Variants in RAPGEF5 observed in about 807,000 individuals in gnomAD.
RAPGEF5 encodes M-Ras-regulated GEF.
RAPGEF5 carries 65 observed loss-of-function variants against 125.2 expected under a neutral mutation model. The ratio of observed to expected loss-of-function variants is 0.52; its 90% confidence interval spans 0.43 to 0.64. The LOEUF is 0.64. Ranked by LOEUF, RAPGEF5 falls within the 30% of genes least tolerant of loss-of-function variation. RAPGEF5 has a pLI of 0.00. For missense variants in RAPGEF5, 958 were observed against 1,048.1 expected, an observed-to-expected ratio of 0.91 and a Z score of 1.19; for synonymous variants, 391 against 385.9, an observed-to-expected ratio of 1.01 and a Z score of -0.16.
intron 12 of RAPGEF5, among the ~76,000 whole-genome samples, chr7:22,166,474 T>C (rs947028724): frequency 5.3e-5 from 8 of 152,240 alleles, no homozygotes; most frequent in Admixed American, 3.3e-4. Context: ...GCATCTCTTC[T>C]AGTTAGTGAA....
chr7:22,245,609 A>G (rs868686924), intron 7 of RAPGEF5, among the ~76,000 whole-genome samples: 7 of 152,100 alleles, frequency 4.6e-5, no homozygotes, highest in Non-Finnish European at 7.4e-5. Flanking sequence ...GCACTAAGCC[A>G]TATTTCCTCT....
rs139390715 is a variant in RAPGEF5 at position 22,168,185 on chromosome 7, T to A, written c.1205-1037A>T. Among the ~76,000 whole-genome samples, 290 of 152,188 alleles carry A rather than the reference T, an allele frequency of 1.9e-3. 1 individual carries two copies. The highest frequency in any genetic ancestry group is 6.6e-3 in the African/African-American group (275 of 41,540). On this transcript the variant is annotated intron_variant, in intron 11 of 25. Transcript: ENST00000665637. ...TGTTGAAACCTTACCCCTAGTATGA[T>A]GTATTAGGAGGGGGTATTTGAGAGG... is the stretch of plus-strand genomic sequence containing the variant.
chr7:22,355,965 G>A, intron 1 of RAPGEF5: 1 of 985,344 alleles, frequency 1.0e-6, no homozygotes, highest in Non-Finnish European at 1.2e-6. Flanking sequence ...TTTAAAAGAT[G>A]AGTAGAACCC....
At chr7:22,237,472 CA>C (rs36017385) in intron 7 of RAPGEF5, among the ~76,000 whole-genome samples, 12,989 of 107,298 alleles carry the variant, frequency 0.12, 635 homozygotes, top group Middle Eastern at 0.16. Context: ...TTAGGCTTCT[CA>C]AAAAAAAAAA....
intron 9 of RAPGEF5, among the ~76,000 whole-genome samples, chr7:22,194,954 G>A (rs994686730): frequency 3.9e-5 from 6 of 152,162 alleles, no homozygotes; most frequent in Non-Finnish European, 5.9e-5. Flanking sequence ...ACGGTAGCCC[G>A]GGAGAAAGGA....
At chr7:22,334,599 A>T (rs1354637454) in intron 1 of RAPGEF5, among the ~76,000 whole-genome samples, 1 of 152,246 alleles carries the variant, frequency 6.6e-6, no homozygotes, top group African/African-American at 2.4e-5. Context: ...ATTTAGCAGC[A>T]CTGCCAACAT....
At chr7:22,263,780 G>A (rs1782218038) in intron 7 of RAPGEF5, among the ~76,000 whole-genome samples, 1 of 150,496 alleles carries the variant, frequency 6.6e-6, no homozygotes. Context: ...AAAAATAATT[G>A]GAAATAGCCA....
In RAPGEF5 at chr7:22,161,535, T is replaced by C. The variant is rs1239943412; in HGVS notation, c.1428+862A>G. Among the ~76,000 whole-genome samples, 14 of 85,174 alleles carry C rather than the reference T, an allele frequency of 1.6e-4. No individual in the cohort carries two copies. In the East Asian group the frequency reaches 4.1e-3, roughly 25 times the overall value. The allele number at this position is 85,174 out of a possible 152,430, so 55.9% of individuals were successfully genotyped here. A position where few individuals can be genotyped will look rare whatever the true frequency, so the allele number is the denominator to read the frequency against. ...CTGGGTAGCAGAGCAAGACCCTGTCTCAACACACACACACACACACACACA... is the reference window on the plus strand; with the variant it reads ...CTGGGTAGCAGAGCAAGACCCTGTCCCAACACACACACACACACACACACA... On this transcript the variant is annotated intron_variant, in intron 13 of 25. Coordinates refer to ENST00000665637, the MANE Select transcript of RAPGEF5 (RefSeq NM_012294.5).
chr7:22,195,130 A>G (rs761485524), intron 9 of RAPGEF5, among the ~76,000 whole-genome samples: 21 of 152,196 alleles, frequency 1.4e-4, no homozygotes, highest in Non-Finnish European at 2.4e-4. Context: ...TCCCCTACTT[A>G]CAGAAAATCC....
chr7:22,205,045 A>G (rs1194860679), intron 9 of RAPGEF5, among the ~76,000 whole-genome samples: 1 of 152,210 alleles, frequency 6.6e-6, no homozygotes, highest in Non-Finnish European at 1.5e-5. Flanking sequence ...TGAGGAATTA[A>G]TATTAAAGTG....
intron 7 of RAPGEF5, among the ~76,000 whole-genome samples, chr7:22,258,700 C>T (rs113400630): frequency 0.031 from 4,711 of 149,846 alleles, 106 homozygotes; most frequent in African/African-American, 0.055. Context: ...TAAATAGACC[C>T]AAATATAGTC....
intron 5 of RAPGEF5, among the ~76,000 whole-genome samples, chr7:22,298,126 T>G (rs1783107869): frequency 6.6e-6 from 1 of 152,090 alleles, no homozygotes; most frequent in Admixed American, 6.5e-5. Flanking sequence ...TTTATAATTT[T>G]TATATGTGAG....
intron 5 of RAPGEF5, among the ~76,000 whole-genome samples, chr7:22,292,380 C>T (rs1435253554): frequency 2.0e-5 from 3 of 152,228 alleles, no homozygotes; most frequent in Non-Finnish European, 4.4e-5. Flanking sequence ...CTACAAACCA[C>T]TGCCTTTACA....
chr7:22,137,223 T>C (rs1309278228), intron 21 of RAPGEF5, among the ~76,000 whole-genome samples: 1 of 152,236 alleles, frequency 6.6e-6, no homozygotes, highest in Non-Finnish European at 1.5e-5. Context: ...TTCAGGAATC[T>C]AGTTGGTTAG....
chr7:22,223,490 C>T (rs905613954), intron 8 of RAPGEF5, among the ~76,000 whole-genome samples: 2 of 152,108 alleles, frequency 1.3e-5, no homozygotes, highest in Admixed American at 1.3e-4. Flanking sequence ...TGAAGAGTGT[C>T]CTTGAAGAGA....
intron 9 of RAPGEF5, among the ~76,000 whole-genome samples, chr7:22,195,460 C>A (rs1349882780): frequency 6.6e-6 from 1 of 152,134 alleles, no homozygotes; most frequent in Non-Finnish European, 1.5e-5. Flanking sequence ...TATGATCATT[C>A]TTTTTTAATC....
intron 5 of RAPGEF5, among the ~76,000 whole-genome samples, chr7:22,293,504 C>T (rs1428831091): frequency 2.0e-5 from 3 of 152,164 alleles, no homozygotes; most frequent in Non-Finnish European, 4.4e-5. Context: ...ATTTTAACCA[C>T]CTTCTGACAA....
At chr7:22,260,970 C>T (rs1298266333) in intron 7 of RAPGEF5, among the ~76,000 whole-genome samples, 1 of 152,106 alleles carries the variant, frequency 6.6e-6, no homozygotes, top group African/African-American at 2.4e-5. Flanking sequence ...ATGGAGTAAG[C>T]ATTATAGATC....
chr7:22,266,277 G>T (rs899272576), intron 7 of RAPGEF5, among the ~76,000 whole-genome samples: 2 of 152,010 alleles, frequency 1.3e-5, no homozygotes, highest in Non-Finnish European at 1.5e-5. Context: ...ATTCCATTCA[G>T]CATTGACCTC....
Sources: gnomAD v4.1 joint callset for allele counts (sites outside exome capture counted in the v4.1 genomes callset) on GRCh38, gnomAD v4.1.1 for gene constraint, MANE v1.5 for transcripts, NCBI Gene and HGNC (gene_info 2026-07-23, HGNC 2026-07-21) for gene names.